The following TJP1 variants were observed in gnomAD, a reference collection of about 807,000 sequenced individuals.
TJP1 encodes tight junction protein ZO-1.
TJP1 carries 43 observed loss-of-function variants against 194.2 expected under a neutral mutation model. That is an observed-to-expected ratio of 0.22 (90% CI 0.17 to 0.29). The LOEUF (loss-of-function observed/expected upper bound fraction) is 0.29, where lower values mean the gene tolerates loss of function less well. Among genes scored for constraint, TJP1 ranks in the 10% least tolerant of loss-of-function variants. The probability of loss-of-function intolerance (pLI) is 1.00; values close to 1 mark genes in which losing one functional copy is unlikely to be tolerated. For synonymous variants in TJP1, 801 were observed against 779.0 expected (o/e 1.03, Z -0.47); for missense variants, 1,971 against 2,185.7 (o/e 0.90, Z 1.96).
intron 1 of TJP1, among the ~76,000 whole-genome samples, chr15:29,817,522 C>T (rs2050009459): frequency 6.6e-6 from 1 of 152,128 alleles, no homozygotes; most frequent in Admixed American, 6.5e-5. Context: ...CCTATAAAGA[C>T]ACATGCACAC....
At chr15:29,939,228 C>G (rs2054984911) in intron 2 of TJP1, among the ~76,000 whole-genome samples, 1 of 152,292 alleles carries the variant, frequency 6.6e-6, no homozygotes, top group South Asian at 2.1e-4. Flanking sequence ...TTCCTGCTCT[C>G]AACTCTACTT....
At chr15:29,947,274 A>C (rs1329122995) in intron 2 of TJP1, among the ~76,000 whole-genome samples, 1 of 152,170 alleles carries the variant, frequency 6.6e-6, no homozygotes, top group East Asian at 1.9e-4. Context: ...TCCATGGCAA[A>C]CCGATTTATC....
At chr15:29,737,136 A>G in intron 11 of TJP1, 128 bp downstream of exon 11, 2 of 1,164,402 alleles carry the variant, frequency 1.7e-6, no homozygotes, top group Non-Finnish European at 2.4e-6. Context: ...TGACTTTCAA[A>G]GTTTAACTGG....
chr15:29,792,569 C>T (rs1405501605), intron 2 of TJP1, among the ~76,000 whole-genome samples: 1 of 152,196 alleles, frequency 6.6e-6, no homozygotes, highest in Non-Finnish European at 1.5e-5. Flanking sequence ...GCTTTGCCTA[C>T]TCTGGGTCTT....
At chr15:29,949,737 C>CCACCACCACCTCCACTTT (rs2055563065) in intron 2 of TJP1, among the ~76,000 whole-genome samples, 1 of 121,932 alleles carries the variant, frequency 8.2e-6, no homozygotes, top group African/African-American at 2.9e-5. Context: ...ATCACCTCCA[C>CCACCACCACCTCCACTTT]CACCACCACC....
chr15:29,814,324 A>T (rs1358691114), intron 1 of TJP1, among the ~76,000 whole-genome samples: 1 of 152,238 alleles, frequency 6.6e-6, no homozygotes, highest in East Asian at 1.9e-4. Flanking sequence ...TACACAATTC[A>T]CAAAGTGATC....
chr15:29,716,584 T>C (rs770792146), intron 23 of TJP1, 27 bp downstream of exon 23: 4 of 1,552,328 alleles, frequency 2.6e-6, no homozygotes, highest in Non-Finnish European at 3.5e-6. Context: ...TGCATCCTAT[T>C]TTTAAAAGCC....
intron 2 of TJP1, among the ~76,000 whole-genome samples, chr15:29,775,257 T>C (rs778562366): frequency 4.6e-5 from 7 of 151,086 alleles, no homozygotes; most frequent in Non-Finnish European, 7.4e-5. Flanking sequence ...ATGCTGGCAA[T>C]TCGGTATACC....
At chr15:29,818,217 G>A (rs2050069216) in intron 1 of TJP1, among the ~76,000 whole-genome samples, 1 of 152,004 alleles carries the variant, frequency 6.6e-6, no homozygotes, top group East Asian at 1.9e-4. Context: ...ATATACAATA[G>A]CACAATCTTA....
In TJP1 at chr15:29,732,805, G is replaced by A; in HGVS notation, c.1747C>T (p.Leu583=). The change falls in exon 14 of 28, where the codon CTA becomes TTA. Residue 583 remains leucine, a synonymous_variant. Transcript: ENST00000614355. ...IIPNKNRAEQ[L]ASVQYTLPKT... is the part of the protein sequence containing the mutation. ...GGAAGTGTATACTGTACACTGGCTA[G>A]CTGCTCAGCTCTACACAAGAAAGGA... 5 of 1,588,846 alleles carry A rather than the reference G, an allele frequency of 3.1e-6. No individual in the cohort carries two copies. The highest frequency in any genetic ancestry group is 4.3e-6 in the Non-Finnish European group (5 of 1,170,840).
At chr15:29,881,227 C>T (rs2152132686) in intron 2 of TJP1, among the ~76,000 whole-genome samples, 1 of 152,298 alleles carries the variant, frequency 6.6e-6, no homozygotes, top group South Asian at 2.1e-4. Context: ...TACCTCTTGG[C>T]CATTTTTGTA....
intron 2 of TJP1, among the ~76,000 whole-genome samples, chr15:29,791,269 C>T (rs1386289628): frequency 3.9e-5 from 6 of 151,978 alleles, no homozygotes; most frequent in South Asian, 2.1e-4. Context: ...TCAGGTGATC[C>T]GCTCACCTTG....
At chr15:29,730,466 A>G (rs2043555576) in intron 15 of TJP1, among the ~76,000 whole-genome samples, 1 of 151,844 alleles carries the variant, frequency 6.6e-6, no homozygotes, top group African/African-American at 2.4e-5. Context: ...GCGTGTTGGC[A>G]TGTGCCTGTA....
chr15:29,779,991 A>G (rs2047258066), intron 2 of TJP1, among the ~76,000 whole-genome samples: 1 of 151,232 alleles, frequency 6.6e-6, no homozygotes, highest in Admixed American at 6.6e-5. Flanking sequence ...CACCTCCCGA[A>G]GGAAAAAAAA....
chr15:29,716,953 T>C, intron 22 of TJP1, 115 bp from the exon 23 acceptor site: 1 of 874,940 alleles, frequency 1.1e-6, no homozygotes, highest in South Asian at 1.8e-5. Context: ...ACTGCTGTGA[T>C]TACTGAGGAT....
At chr15:29,917,253 C>T (rs1456694493) in intron 2 of TJP1, among the ~76,000 whole-genome samples, 1 of 152,170 alleles carries the variant, frequency 6.6e-6, no homozygotes, top group African/African-American at 2.4e-5. Context: ...ATAAGATAAA[C>T]TGAATCGCTA....
At chr15:29,893,616 C>T (rs1473470899) in intron 2 of TJP1, among the ~76,000 whole-genome samples, 1 of 152,178 alleles carries the variant, frequency 6.6e-6, no homozygotes, top group Non-Finnish European at 1.5e-5. Flanking sequence ...CCACAAGCAA[C>T]AGGATTATGA....
intron 2 of TJP1, among the ~76,000 whole-genome samples, chr15:29,952,641 A>C (rs1443227113): frequency 7.9e-5 from 12 of 152,212 alleles, no homozygotes; most frequent in Admixed American, 7.8e-4. Flanking sequence ...GAAAAATTAA[A>C]AGTAAAATAT....
At chr15:29,864,041 C>T (rs1221791804) in intron 2 of TJP1, among the ~76,000 whole-genome samples, 1 of 151,972 alleles carries the variant, frequency 6.6e-6, no homozygotes, top group Non-Finnish European at 1.5e-5. Context: ...GCCAATGATA[C>T]AGTATTACTT....
Sources: allele counts gnomAD v4.1 joint callset (sites outside exome capture counted in the v4.1 genomes callset), GRCh38; gene constraint gnomAD v4.1.1; transcripts MANE v1.5; gene names NCBI Gene and HGNC (gene_info 2026-07-23, HGNC 2026-07-21).